Variants in CD40 observed in about 807,000 individuals in gnomAD.
The protein encoded by CD40 is CD40 molecule.
Under a neutral mutation model 38.5 loss-of-function variants are expected in CD40, and 19 were observed. The observed-to-expected ratio is 0.49, with a 90% confidence interval of 0.34 to 0.72. The LOEUF (loss-of-function observed/expected upper bound fraction) is 0.72, where lower values mean the gene tolerates loss of function less well. Ranked by LOEUF, CD40 falls within the 30% of genes least tolerant of loss-of-function variation. CD40 has a pLI of 0.01. For synonymous variants in CD40, 130 were observed against 128.7 expected (o/e 1.01, Z -0.07); for missense variants, 256 against 344.1 (o/e 0.74, Z 2.03).
chr20:46,120,785 C>T (rs2085302592), intron 1 of CD40, among the ~76,000 whole-genome samples: 2 of 152,212 alleles, frequency 1.3e-5, no homozygotes, highest in South Asian at 4.1e-4. Flanking sequence ...AATGTACCGG[C>T]CAGGCACGGT....
At chr20:46,123,500 C>T (rs1322947194) in intron 5 of CD40, among the ~76,000 whole-genome samples, 1 of 152,238 alleles carries the variant, frequency 6.6e-6, no homozygotes, top group Non-Finnish European at 1.5e-5. Context: ...CCTTCTGCCC[C>T]TCCTGCTTCT....
At chr20:46,126,979 T>C (rs1326959172) in intron 6 of CD40, 3 of 512,598 alleles carry the variant, frequency 5.9e-6, no homozygotes, top group Non-Finnish European at 1.1e-5. Flanking sequence ...TCAGATAATG[T>C]AAATCAGTGA....
Position 46,129,014 on chromosome 20 carries a change from C to T in CD40, c.808C>T (p.Arg270Cys), listed in dbSNP as rs1467218500. The T allele has an allele frequency of 1.9e-6, 3 of 1,614,008 alleles. No homozygotes were observed. Among genetic ancestry groups the T allele is most frequent in the African/African-American group, 1.3e-5 (1 of 74,908 alleles). The change falls in exon 9 of 9, where the codon CGC (arginine) becomes TGC (cysteine). Residue 270 changes from arginine (R) to cysteine (C), a missense_variant. Physicochemically the swap from Arg to Cys is radical, Grantham distance 180 (BLOSUM62 -3). Coordinates refer to ENST00000372285, the MANE Select transcript of CD40 (RefSeq NM_001250.6). ...CACCCAGGAGGATGGCAAAGAGAGT[C>T]GCATCTCAGTGCAGGAGAGACAGTG... Reference protein sequence around the residue: ...PVTQEDGKESRISVQERQ With the variant: ...PVTQEDGKESCISVQERQ
intron 1 of CD40, among the ~76,000 whole-genome samples, chr20:46,121,502 ATATCCTATGGGATCTTTGG>A (rs2085316951): frequency 6.6e-6 from 1 of 152,218 alleles, no homozygotes; most frequent in South Asian, 2.1e-4. Flanking sequence ...TGGAGTCCCC[ATATCCTATGGGATCTTTGG>A]GAAGAGGAAT....
rs1473553396 is a variant in CD40, at chr20:46,122,328, C to A, written c.226C>A (p.His76Asn). 1 of 1,614,198 alleles carries A rather than the reference C, an allele frequency of 6.2e-7. No homozygotes were observed. The highest frequency in any genetic ancestry group is 1.3e-5 in the African/African-American group (1 of 75,040). Residue 76 changes from histidine (H) to asparagine (N), a missense_variant, in exon 3 of 9, where the codon CAC becomes AAC. By Grantham distance (68) the His-to-Asn change is moderately conservative. Transcript: ENST00000372285. The surrounding 1 kb of genome is among the most constrained non-coding windows in gnomAD (Gnocchi z 5.0). The part of the protein sequence containing the change: ...EFLDTWNRET[H>N]CHQHKYCDPN... ...CCTAGACACCTGGAACAGAGAGACA[C>A]ACTGCCACCAGCACAAATACTGCGA...
chr20:46,120,785 C>CTTTAAATGTACATTTAAAGTAAATTA (rs2085302662), intron 1 of CD40, among the ~76,000 whole-genome samples: 5 of 152,212 alleles, frequency 3.3e-5, no homozygotes, highest in Admixed American at 2.6e-4. Context: ...AATGTACCGG[C>CTTTAAATGTACATTTAAAGTAAATTA]CAGGCACGGT....
chr20:46,124,499 AC>A (rs1364194992), intron 5 of CD40, among the ~76,000 whole-genome samples: 11 of 150,246 alleles, frequency 7.3e-5, no homozygotes, highest in Non-Finnish European at 1.3e-4. Context: ...ACAAACCAAC[AC>A]ACACACACAC....
chr20:46,120,517 A>C (rs1252653494), intron 1 of CD40, among the ~76,000 whole-genome samples: 1 of 152,242 alleles, frequency 6.6e-6, no homozygotes, highest in Non-Finnish European at 1.5e-5. Context: ...AGTTCTTTTA[A>C]AAATCCTTCT....
At chr20:46,125,003 G>A (rs755844511) in intron 5 of CD40, among the ~76,000 whole-genome samples, 26 of 151,508 alleles carry the variant, frequency 1.7e-4, no homozygotes, top group Non-Finnish European at 3.8e-4. Flanking sequence ...TCCTGACCTC[G>A]TGATCCGTCT....
chr20:46,126,887 C>T (rs1186314243), intron 6 of CD40, 186 bp downstream of exon 6: 3 of 927,194 alleles, frequency 3.2e-6, no homozygotes, highest in Non-Finnish European at 3.3e-6. Context: ...GCCTCAGTTT[C>T]TTCATCTGTA....
chr20:46,123,417 A>G (rs1301182996), intron 5 of CD40, among the ~76,000 whole-genome samples, 198 bp downstream of exon 5: 1 of 152,226 alleles, frequency 6.6e-6, no homozygotes, highest in African/African-American at 2.4e-5. Context: ...TCTTTGAGGT[A>G]ATAGACACTG....
At chr20:46,121,955 C>A in intron 2 of CD40, 57 bp downstream of exon 2, 3 of 1,376,832 alleles carry the variant, frequency 2.2e-6, no homozygotes, top group Non-Finnish European at 3.1e-6. Context: ...TGGTGGCAGA[C>A]GCAGACCCCA....
intron 6 of CD40, 89 bp downstream of exon 6, chr20:46,126,790 A>G: frequency 1.2e-6 from 2 of 1,608,622 alleles, no homozygotes; most frequent in Non-Finnish European, 1.7e-6. Flanking sequence ...TGGATGGGAA[A>G]AAGGGGAGGG....
At position 46,122,499 on chromosome 20, in the gene CD40, C is replaced by T; in HGVS notation, c.257-111C>T. 2 of 1,568,610 alleles carry T rather than the reference C, an allele frequency of 1.3e-6. No individual in the cohort carries two copies. The highest frequency in any genetic ancestry group is 1.8e-6 in the Non-Finnish European group (2 of 1,140,540). On this transcript the variant is annotated intron_variant, in intron 3 of 8. Transcript: ENST00000372285. This position sits in a 1 kb window ranked among gnomAD's most constrained non-coding sequence, Gnocchi z 5.0. ...ACTGATCATTAAATGATTTGATTGCCATCTCTACTTGGAAGAGGGTCTGAG... is the reference window on the plus strand; with the variant it reads ...ACTGATCATTAAATGATTTGATTGCTATCTCTACTTGGAAGAGGGTCTGAG...
rs1028364472 is a variant in CD40 at position 46,123,007 on chromosome 20, T to C, written c.404-119T>C. The C allele has an allele frequency of 2.4e-5, 22 of 934,044 alleles. No homozygotes were observed. The African/African-American group carries it at 2.6e-4, about 11-fold the overall frequency. 57.9% of individuals were successfully genotyped at this position (934,044 alleles called of 1,614,324 possible). A position where few individuals can be genotyped will look rare whatever the true frequency, so the allele number is the denominator to read the frequency against. On this transcript the variant is annotated intron_variant, in intron 4 of 8. Transcript: ENST00000372285. The stretch of plus-strand genomic sequence containing the variant: ...TGCAGCTGTCGGGGGCAGTACCACA[T>C]CGGGGGAAGAGTGCTCAAGGCAGGA...
intron 5 of CD40, among the ~76,000 whole-genome samples, chr20:46,125,546 C>CAAA (rs60475326): frequency 1.6e-4 from 11 of 69,428 alleles, no homozygotes; most frequent in Admixed American, 5.3e-4. Context: ...GACTCTGTCT[C>CAAA]AAAAAAAAAA....
rs1171596083 is a variant in CD40, at chr20:46,122,664, C to T, written c.311C>T (p.Thr104Ile). ...ACCTCAGAAACAGACACCATCTGCA[C>T]CTGTGAAGAAGGCTGGCACTGTACG... ...KGTSETDTIC[T>I]CEEGWHCTSE... is the part of the protein sequence containing the mutation. The change falls in exon 4 of 9, where the codon ACC (threonine) becomes ATC (isoleucine). Residue 104 changes from threonine to isoleucine, a missense_variant. By Grantham distance (89) the Thr-to-Ile change is moderately conservative. Transcript: ENST00000372285. The surrounding 1 kb of genome is among the most constrained non-coding windows in gnomAD (Gnocchi z 5.0). 6.2e-7 allele frequency: 1 copy of T among 1,614,124 alleles called. No individual in the cohort carries two copies. Among genetic ancestry groups the T allele is most frequent in the Non-Finnish European group, 8.5e-7 (1 of 1,180,020 alleles).
Position 46,128,168 on chromosome 20 carries a change from T to C in CD40, c.590T>C (p.Val197Ala). ...CAGGATCGGCTGAGAGCCCTGGTGG[T>C]GATCCCCATCATCTTCGGGATCCTG... ...GPQDRLRALV[V>A]IPIIFGILFA... Residue 197 changes from valine to alanine, a missense_variant, in exon 7 of 9, where the codon GTG becomes GCG. Coordinates refer to ENST00000372285, the MANE Select transcript of CD40 (RefSeq NM_001250.6). 1 of 1,613,864 alleles carries C rather than the reference T, an allele frequency of 6.2e-7. No homozygotes were observed. The highest frequency in any genetic ancestry group is 8.5e-7 in the Non-Finnish European group (1 of 1,179,946).
intron 5 of CD40, among the ~76,000 whole-genome samples, chr20:46,126,211 AC>A (rs2085432842): frequency 1.2e-5 from 1 of 83,882 alleles, no homozygotes; most frequent in Non-Finnish European, 2.5e-5. Flanking sequence ...GCCCACCCCC[AC>A]CCCCACACCC....
Sources: allele counts gnomAD v4.1 joint callset (sites outside exome capture counted in the v4.1 genomes callset), GRCh38; gene constraint gnomAD v4.1.1; non-coding constraint Gnocchi (gnomAD v3.1); transcripts MANE v1.5; gene names NCBI Gene and HGNC (gene_info 2026-07-23, HGNC 2026-07-21).